MYRIP: variants seen among roughly 807,000 people sequenced by gnomAD.
The protein encoded by MYRIP is rab effector MyRIP.
In MYRIP, 49 loss-of-function variants were observed where a neutral mutation model predicts 98.0. The observed-to-expected ratio is 0.50, with a 90% CI of 0.40 to 0.63. MYRIP has a LOEUF of 0.63. Ranked by LOEUF, MYRIP falls within the 30% of genes least tolerant of loss-of-function variation. The probability of loss-of-function intolerance (pLI) is 0.00; values close to 1 mark genes in which losing one functional copy is unlikely to be tolerated. For synonymous variants in MYRIP, 404 were observed against 409.5 expected, an observed-to-expected ratio of 0.99 and a Z score of 0.16; for missense variants, 1,004 against 1,058.2, an observed-to-expected ratio of 0.95 and a Z score of 0.71.
chr3:40,224,196 G>A (rs1049844794), intron 11 of MYRIP, among the ~76,000 whole-genome samples: 1 of 152,102 alleles, frequency 6.6e-6, no homozygotes, highest in Admixed American at 6.6e-5. Context: ...AAAGCACCTG[G>A]AAAGGTTGAA....
At chr3:39,883,389 C>T (rs955317097) in intron 1 of MYRIP, among the ~76,000 whole-genome samples, 1 of 152,010 alleles carries the variant, frequency 6.6e-6, no homozygotes, top group Non-Finnish European at 1.5e-5. Flanking sequence ...GGAAAATAAC[C>T]GTGTACAAGT....
At chr3:40,092,438 C>T (rs1948749955) in intron 3 of MYRIP, among the ~76,000 whole-genome samples, 1 of 152,146 alleles carries the variant, frequency 6.6e-6, no homozygotes, top group African/African-American at 2.4e-5. Flanking sequence ...TTGTCTTCAC[C>T]AGGCAAGTTC....
At chr3:39,949,464 A>G (rs1944964159) in intron 2 of MYRIP, among the ~76,000 whole-genome samples, 2 of 152,172 alleles carry the variant, frequency 1.3e-5, no homozygotes, top group Admixed American at 6.6e-5. Flanking sequence ...ATAAAATTAT[A>G]TATTAATCAC....
intron 3 of MYRIP, among the ~76,000 whole-genome samples, chr3:40,137,315 T>A (rs1313769952): frequency 6.6e-6 from 1 of 151,966 alleles, no homozygotes; most frequent in South Asian, 2.1e-4. Context: ...ACACATACAG[T>A]CTCCCAAGAC....
At chr3:40,086,939 A>T (rs1267965545) in intron 3 of MYRIP, among the ~76,000 whole-genome samples, 1 of 151,996 alleles carries the variant, frequency 6.6e-6, no homozygotes, top group Non-Finnish European at 1.5e-5. Context: ...CTGGGGTAGG[A>T]ACAAGGGAAG....
At chr3:40,189,718 C>A (rs371197875) in intron 9 of MYRIP, 108 bp from the exon 10 acceptor site, 26 of 1,244,350 alleles carry the variant, frequency 2.1e-5, no homozygotes, top group East Asian at 1.9e-4. Context: ...GGCAACTGCT[C>A]TCCAACAGCC....
chr3:40,015,644 G>T lies in MYRIP; in HGVS notation c.111-28406G>T, dbSNP rs374450772. On this transcript the variant is annotated intron_variant, in intron 2 of 16. Coordinates refer to ENST00000302541, the MANE Select transcript of MYRIP (RefSeq NM_015460.4). ...GTGGCATGGCCTGGTAAGCTCCTTA[G>T]CCAGGACAGCCAGGCAGGTTGTCAT... Among the ~76,000 whole-genome samples, 88 of 152,346 alleles carry T rather than the reference G, an allele frequency of 5.8e-4. 1 individual carries two copies. Among genetic ancestry groups the T allele is most frequent in the African/African-American group, 1.9e-3 (79 of 41,582 alleles).
chr3:39,861,457 C>G (rs557826353), intron 1 of MYRIP, among the ~76,000 whole-genome samples: 126 of 152,274 alleles, frequency 8.3e-4, no homozygotes, highest in African/African-American at 3.0e-3. Flanking sequence ...TCGCAACAAC[C>G]ACACTAGTTC....
chr3:40,070,787 T>C (rs1948208984), intron 3 of MYRIP, among the ~76,000 whole-genome samples: 1 of 152,188 alleles, frequency 6.6e-6, no homozygotes, highest in African/African-American at 2.4e-5. Flanking sequence ...GGACTGCTGC[T>C]TTTGATGATC....
At chr3:40,140,648 T>C (rs1284464418) in intron 3 of MYRIP, among the ~76,000 whole-genome samples, 2 of 152,238 alleles carry the variant, frequency 1.3e-5, no homozygotes, top group Non-Finnish European at 2.9e-5. Flanking sequence ...TTTTTGATAA[T>C]AGACATGCTA....
intron 1 of MYRIP, among the ~76,000 whole-genome samples, chr3:39,897,401 T>A (rs934754254): frequency 6.6e-6 from 1 of 152,228 alleles, no homozygotes; most frequent in African/African-American, 2.4e-5. Context: ...AAACACACTT[T>A]AGGGAAGTGG....
In MYRIP at chr3:40,233,975, T is replaced by C; in HGVS notation, c.2022T>C (p.Pro674=). 1 of 1,613,592 alleles carries C rather than the reference T, an allele frequency of 6.2e-7. No individual in the cohort carries two copies. Among genetic ancestry groups the C allele is most frequent in the South Asian group, 1.1e-5 (1 of 90,894 alleles). ...CCTGGGAGTCCCCACAAGTCCCTCCTGACAGACAGAAGGGGATGTTTCCTC... is the reference window on the plus strand; with the variant it reads ...CCTGGGAGTCCCCACAAGTCCCTCCCGACAGACAGAAGGGGATGTTTCCTC... ...TGPWESPQVP[P]DRQKGMFPRG... The change falls in exon 12 of 17, where the codon CCT becomes CCC. Residue 674 remains proline (P), a synonymous_variant. Transcript: ENST00000302541.
intron 10 of MYRIP, among the ~76,000 whole-genome samples, chr3:40,195,402 C>T (rs1951359764): frequency 6.6e-6 from 1 of 152,300 alleles, no homozygotes; most frequent in East Asian, 1.9e-4. Context: ...AAGAGACCCT[C>T]CAGCCTCAGC....
chr3:40,032,937 T>C (rs1282789107), intron 2 of MYRIP, among the ~76,000 whole-genome samples: 1 of 151,910 alleles, frequency 6.6e-6, no homozygotes, highest in African/African-American at 2.4e-5. Context: ...ATAAATGTAA[T>C]CCAGCATATA....
At chr3:39,955,701 C>T (rs1945139091) in intron 2 of MYRIP, among the ~76,000 whole-genome samples, 1 of 152,078 alleles carries the variant, frequency 6.6e-6, no homozygotes, top group Non-Finnish European at 1.5e-5. Flanking sequence ...TGTAAATGGG[C>T]TAAATGCTGC....
chr3:40,083,964 C>T (rs1035086732), intron 3 of MYRIP, among the ~76,000 whole-genome samples: 4 of 151,378 alleles, frequency 2.6e-5, no homozygotes, highest in East Asian at 1.9e-4. Context: ...AGTGAAACCC[C>T]GTCTCTACGA....
chr3:40,082,370 G>C (rs899447231), intron 3 of MYRIP, among the ~76,000 whole-genome samples: 1 of 152,142 alleles, frequency 6.6e-6, no homozygotes, highest in Non-Finnish European at 1.5e-5. Flanking sequence ...TCACCATTGC[G>C]GGAGCTGGTG....
chr3:40,128,838 C>G (rs755968473), intron 3 of MYRIP, among the ~76,000 whole-genome samples: 2 of 152,124 alleles, frequency 1.3e-5, no homozygotes, highest in African/African-American at 2.4e-5. Context: ...GTGCTTAATT[C>G]TTTTACCAAC....
chr3:40,063,248 G>GGTAGGGGAATATAGCTACA (rs1489649907), intron 3 of MYRIP, among the ~76,000 whole-genome samples: 2 of 152,150 alleles, frequency 1.3e-5, no homozygotes, highest in African/African-American at 4.8e-5. Flanking sequence ...CAACTCCTAA[G>GGTAGGGGAATATAGCTACA]GTAGGGGAAT....
Sources: gnomAD v4.1 joint callset for allele counts (sites outside exome capture counted in the v4.1 genomes callset) on GRCh38, gnomAD v4.1.1 for gene constraint, MANE v1.5 for transcripts, NCBI Gene and HGNC (gene_info 2026-07-23, HGNC 2026-07-21) for gene names.